The following PDLIM3 variants were observed in gnomAD, a reference collection of about 807,000 sequenced individuals.
PDLIM3 encodes the protein PDZ and LIM domain 3, also known as PDZ and LIM domain protein 3.
PDLIM3 carries 36 observed loss-of-function variants against 37.3 expected under a neutral mutation model. The observed-to-expected ratio is 0.97, with a 90% CI of 0.74 to 1.28. The LOEUF (loss-of-function observed/expected upper bound fraction) is 1.28. Ranked by LOEUF, PDLIM3 falls within the 50% of genes most tolerant of loss-of-function variation. The pLI is 0.00. For missense variants in PDLIM3, 454 were observed against 485.0 expected (o/e 0.94, Z 0.60); for synonymous variants, 174 against 182.4 (o/e 0.95, Z 0.37).
In PDLIM3 at chr4:185,500,678, T is replaced by A. The variant is rs1580226692; in HGVS notation, c.*1616A>T. 1 of 152,166 alleles carries A rather than the reference T, an allele frequency of 6.6e-6. No individual in the cohort carries two copies. Among genetic ancestry groups the A allele is most frequent in the African/African-American group, 2.4e-5 (1 of 41,438 alleles). 9.4% of individuals were successfully genotyped at this position (152,166 alleles called of 1,614,324 possible). A position where few individuals can be genotyped will look rare whatever the true frequency, so the allele number is the denominator to read the frequency against. On this transcript the variant is annotated 3_prime_UTR_variant, in exon 8 of 8. Transcript: ENST00000284767. ...ACATTCATTTCTTTGATCTCAAAAG[T>A]CTGTTTTATTTTTTTAATAGCTTTG...
intron 4 of PDLIM3, among the ~76,000 whole-genome samples, chr4:185,509,927 T>TG (rs2095704001): frequency 6.6e-6 from 1 of 152,190 alleles, no homozygotes; most frequent in Non-Finnish European, 1.5e-5. Flanking sequence ...AATTTTTTTT[T>TG]TTTTGTCTTG....
intron 6 of PDLIM3, among the ~76,000 whole-genome samples, chr4:185,506,000 T>C (rs1264953998): frequency 6.6e-6 from 1 of 152,038 alleles, no homozygotes; most frequent in Non-Finnish European, 1.5e-5. Flanking sequence ...TCACTGGCTA[T>C]GTGGCCTTTC....
At chr4:185,516,890 G>A (rs1260819036) in intron 3 of PDLIM3, 7 of 152,224 alleles carry the variant, frequency 4.6e-5, no homozygotes, top group African/African-American at 1.7e-4. Flanking sequence ...ATTTTGTAGT[G>A]TGATTGAGTT....
Position 185,535,467 on chromosome 4 carries a change from G to C in PDLIM3, c.-33C>G. 1.3e-6 allele frequency: 2 copies of C among 1,536,938 alleles called. No homozygotes were observed. The highest frequency in any genetic ancestry group is 8.8e-7 in the Non-Finnish European group (1 of 1,137,294). On this transcript the variant is annotated 5_prime_UTR_variant, in exon 1 of 8. Coordinates refer to ENST00000284767, the MANE Select transcript of PDLIM3 (RefSeq NM_014476.6). ...TCCTCCCGCCCACCGGGCTCTAAGTGTCCCCGCGCAGGGCAGCCACTCCGC... is the reference window on the plus strand; with the variant it reads ...TCCTCCCGCCCACCGGGCTCTAAGTCTCCCCGCGCAGGGCAGCCACTCCGC...
Position 185,535,491 on chromosome 4 carries a change from G to C in PDLIM3, c.-57C>G, listed in dbSNP as rs1306874902. On this transcript the variant is annotated 5_prime_UTR_variant, in exon 1 of 8. Coordinates refer to ENST00000284767, the MANE Select transcript of PDLIM3 (RefSeq NM_014476.6). ...TGTCCCCGCGCAGGGCAGCCACTCC[G>C]CGCCGGGCGGCGTCCTGGCCCCGAC... is the stretch of plus-strand genomic sequence containing the variant. 6.9e-7 allele frequency: 1 copy of C among 1,447,528 alleles called. No homozygotes were observed. Among genetic ancestry groups the C allele is most frequent in the East Asian group, 2.7e-5 (1 of 37,150 alleles). 89.7% of individuals were successfully genotyped at this position (1,447,528 alleles called of 1,614,324 possible).
intron 1 of PDLIM3, among the ~76,000 whole-genome samples, chr4:185,531,097 G>A (rs2095743822): frequency 6.6e-6 from 1 of 152,108 alleles, no homozygotes; most frequent in African/African-American, 2.4e-5. Context: ...GTGGATGAGA[G>A]GGGATTACTA....
intron 1 of PDLIM3, among the ~76,000 whole-genome samples, chr4:185,526,607 A>T (rs905261114): frequency 1.3e-5 from 2 of 152,128 alleles, no homozygotes; most frequent in Admixed American, 1.3e-4. Context: ...CCTACTCCCA[A>T]TTTTTCTGGG....
intron 4 of PDLIM3, among the ~76,000 whole-genome samples, chr4:185,510,876 C>T (rs1420044611): frequency 6.6e-6 from 1 of 152,200 alleles, no homozygotes; most frequent in African/African-American, 2.4e-5. Flanking sequence ...ATCTTTTAAA[C>T]TGATCCTTTA....
rs200841741 is a variant in PDLIM3 at position 185,508,367 on chromosome 4, T to G, written c.594A>C (p.Ser198=). ...GGAGTGTTTCCATAATATTGTCATCTGAGTACAACTGCATAGGTGTATTAA... is the reference window on the plus strand; with the variant it reads ...GGAGTGTTTCCATAATATTGTCATCGGAGTACAACTGCATAGGTGTATTAA... ...AQFNTPMQLY[S]DDNIMETLQG... The change falls in exon 5 of 8, where the codon TCA becomes TCC. Residue 198 remains serine, a synonymous_variant. Transcript: ENST00000284767. 11 of 1,614,128 alleles carry G rather than the reference T, an allele frequency of 6.8e-6. No homozygotes were observed. In the Middle Eastern group the frequency reaches 4.9e-4, roughly 73 times the overall value.
chr4:185,502,343 G>C lies in PDLIM3; in HGVS notation c.1046C>G (p.Thr349Arg). Residue 349 changes from threonine to arginine, a missense_variant, in exon 8 of 8, where the codon ACA (threonine) becomes AGA (arginine). Transcript: ENST00000284767. ...CGTGTCATAGCCCTCTGGGGGCTTT[G>C]TGCGGGCTCTTGCGTGGGTTTCGCA... ...LYCETHARAR[T>R]KPPEGYDTVT... 6.2e-7 allele frequency: 1 copy of C among 1,614,224 alleles called. No individual in the cohort carries two copies. Among genetic ancestry groups the C allele is most frequent in the Middle Eastern group, 1.6e-4 (1 of 6,062 alleles).
chr4:185,535,390 G>A lies in PDLIM3; in HGVS notation c.45C>T (p.Phe15=). 2 of 1,607,972 alleles carry A rather than the reference G, an allele frequency of 1.2e-6. No homozygotes were observed. Among genetic ancestry groups the A allele is most frequent in the Non-Finnish European group, 1.7e-6 (2 of 1,177,468 alleles). ...TGAAGTCTATGCCCCCTGAGAGCCT[G>A]AAGCCCCAGGGCGCAGGGCCCGGGA... The part of the protein sequence containing the change: ...VILPGPAPWG[F]RLSGGIDFNQ... Residue 15 remains phenylalanine, a synonymous_variant, in exon 1 of 8, where the codon TTC becomes TTT. Transcript: ENST00000284767.
At position 185,514,776 on chromosome 4, in the gene PDLIM3, G is replaced by A; in HGVS notation, c.331-439C>T. On this transcript the variant is annotated intron_variant, in intron 3 of 7. Coordinates refer to ENST00000284767, the MANE Select transcript of PDLIM3 (RefSeq NM_014476.6). The surrounding 1 kb of genome is among the most constrained non-coding windows in gnomAD (Gnocchi z 4.0). ...TCTTGTATATTGCTAGTTGAATAGA[G>A]CCCAATTGGCGAGTTATAGGAAGCG... The A allele has an allele frequency of 6.4e-7, 1 of 1,551,962 alleles. No individual in the cohort carries two copies. The highest frequency in any genetic ancestry group is 2.0e-5 in the Admixed American group (1 of 51,010).
chr4:185,534,472 G>GA (rs958454093), intron 1 of PDLIM3, among the ~76,000 whole-genome samples: 1 of 152,122 alleles, frequency 6.6e-6, no homozygotes, highest in South Asian at 2.1e-4. Flanking sequence ...CATTGTGTTA[G>GA]AAAAAAACCA....
In PDLIM3 at chr4:185,514,618, C is replaced by G; in HGVS notation, c.331-281G>C. 4.4e-6 allele frequency: 6 copies of G among 1,371,934 alleles called. No homozygotes were observed. In the South Asian group the frequency reaches 7.4e-5, roughly 17 times the overall value. 85.0% of individuals were successfully genotyped at this position (1,371,934 alleles called of 1,614,324 possible). ...TGCCTTCAGGAAAGTAAAAATAAAA[C>G]AGCAAGAGCTGGACTTTTGAAAAGA... On this transcript the variant is annotated intron_variant, in intron 3 of 7. Transcript: ENST00000284767. The surrounding 1 kb of genome is among the most constrained non-coding windows in gnomAD (Gnocchi z 4.0).
Position 185,525,138 on chromosome 4 carries a change from G to C in PDLIM3, c.127C>G (p.Leu43Val), listed in dbSNP as rs1232029998. 8.1e-6 allele frequency: 13 copies of C among 1,614,086 alleles called. No homozygotes were observed. Among genetic ancestry groups the C allele is most frequent in the Non-Finnish European group, 1.1e-5 (13 of 1,180,024 alleles). The stretch of plus-strand genomic sequence containing the variant: ...GCCAGGATGACATCTCCAGGACACA[G>C]GTTGGCAGCTGCCGCCTTGCTTCCT... ...TPGSKAAAANLCPGDVILAID... is the reference protein window; with the variant it reads ...TPGSKAAAANVCPGDVILAID... Residue 43 changes from leucine to valine, a missense_variant, in exon 2 of 8, where the codon CTG (leucine) becomes GTG (valine). Transcript: ENST00000284767.
intron 6 of PDLIM3, among the ~76,000 whole-genome samples, chr4:185,505,767 CTA>C (rs1444435088): frequency 6.6e-6 from 1 of 152,234 alleles, no homozygotes; most frequent in East Asian, 1.9e-4. Context: ...CAGGGTTGCT[CTA>C]TGTTACCTTC....
At chr4:185,516,902 G>T (rs932013246) in intron 3 of PDLIM3, 1 of 152,202 alleles carries the variant, frequency 6.6e-6, no homozygotes, top group African/African-American at 2.4e-5. Context: ...GATTGAGTTC[G>T]CTGATACCTT....
rs56939646 is a variant in PDLIM3 at position 185,528,071 on chromosome 4, A to AAAACAAAC, written c.94-2908_94-2901dup. Among the ~76,000 whole-genome samples, 203 of 151,260 alleles carry AAAACAAAC rather than the reference A, an allele frequency of 1.3e-3. 1 individual carries two copies. Among genetic ancestry groups the AAAACAAAC allele is most frequent in the East Asian group, 3.5e-3 (18 of 5,134 alleles). On this transcript the variant is annotated intron_variant, in intron 1 of 7. Coordinates refer to ENST00000284767, the MANE Select transcript of PDLIM3 (RefSeq NM_014476.6). Reference sequence around the variant, plus strand: ...CTCCTCCTCTCACCAAAAACAAAACAAAACAAACAAACAAACAAACAAAAC... The same window carrying AAAACAAAC: ...CTCCTCCTCTCACCAAAAACAAAACAAAACAAACAAACAAACAAACAAACAAACAAAAC...
At chr4:185,508,946 G>A (rs922295746) in intron 4 of PDLIM3, among the ~76,000 whole-genome samples, 3 of 152,224 alleles carry the variant, frequency 2.0e-5, no homozygotes, top group Non-Finnish European at 4.4e-5. Context: ...CACAAGTGAT[G>A]AAGGAAAATT....
Sources: gnomAD v4.1 joint callset for allele counts (sites outside exome capture counted in the v4.1 genomes callset) on GRCh38, gnomAD v4.1.1 for gene constraint, Gnocchi (gnomAD v3.1) non-coding constraint, MANE v1.5 for transcripts, NCBI Gene and HGNC (gene_info 2026-07-23, HGNC 2026-07-21) for gene names.